Variants in MPHOSPH10 observed in about 807,000 individuals in gnomAD.
The protein encoded by MPHOSPH10 is U3 small nucleolar ribonucleoprotein MPP10.
Under a neutral mutation model 77.3 loss-of-function variants are expected in MPHOSPH10, and 33 were observed. That is an observed-to-expected ratio of 0.43 (90% CI 0.32 to 0.57). MPHOSPH10 has a LOEUF of 0.57. MPHOSPH10 is among the 20% of genes least tolerant of loss of function. The probability of loss-of-function intolerance (pLI) is 0.07; values close to 1 mark genes in which losing one functional copy is unlikely to be tolerated. For synonymous variants in MPHOSPH10, 245 were observed against 268.0 expected, an observed-to-expected ratio of 0.91 and a Z score of 0.84; for missense variants, 708 against 780.1, an observed-to-expected ratio of 0.91 and a Z score of 1.10.
intron 6 of MPHOSPH10, among the ~76,000 whole-genome samples, chr2:71,140,843 C>T (rs887652343): frequency 2.6e-5 from 4 of 151,996 alleles, no homozygotes; most frequent in Non-Finnish European, 4.4e-5. Context: ...TGAAATGAAA[C>T]ATGATAAACT....
intron 7 of MPHOSPH10, 151 bp downstream of exon 7, chr2:71,141,520 G>A (rs192884756): frequency 1.6e-6 from 1 of 619,430 alleles, no homozygotes; most frequent in East Asian, 3.3e-5. Context: ...GGAATAGAAG[G>A]GTTCTAATAT....
chr2:71,147,168 C>T (rs188879544), intron 8 of MPHOSPH10, among the ~76,000 whole-genome samples: 20 of 152,206 alleles, frequency 1.3e-4, no homozygotes, highest in African/African-American at 4.1e-4. Context: ...CTCTTGTTCC[C>T]GTAAGCATCT....
In MPHOSPH10 at chr2:71,148,374, G is replaced by A. The variant is rs1673756990; in HGVS notation, c.1665+268G>A. The A allele has an allele frequency of 9.7e-6, 3 of 307,770 alleles. No homozygotes were observed. The South Asian group carries it at 2.0e-4, about 21-fold the overall frequency. The allele number at this position is 307,770 out of a possible 1,614,324, so 19.1% of individuals were successfully genotyped here. On this transcript the variant is annotated intron_variant, in intron 9 of 10. Coordinates refer to ENST00000244230, the MANE Select transcript of MPHOSPH10 (RefSeq NM_005791.3). ...TCAATATCTTATTATAATCCAATCT[G>A]AATACTAGCAGTGATGTTAAGTTGA... is the stretch of plus-strand genomic sequence containing the variant.
chr2:71,145,730 C>T lies in MPHOSPH10; in HGVS notation c.1557+1192C>T, dbSNP rs559408358. On this transcript the variant is annotated intron_variant, in intron 8 of 10. Transcript: ENST00000244230. ...TCTGGGCCTTACCTGTGTGATCTGG[C>T]TCTTCCCACCCCTTTGGTCTCCCTT... 2.6e-5 allele frequency among the ~76,000 whole-genome samples: 4 copies of T among 152,240 alleles called. No individual in the cohort carries two copies. In the South Asian group the frequency reaches 8.3e-4, roughly 32 times the overall value.
chr2:71,141,046 T>G (rs2103672830), intron 6 of MPHOSPH10, among the ~76,000 whole-genome samples, 186 bp from the exon 7 acceptor site: 1 of 151,130 alleles, frequency 6.6e-6, no homozygotes, highest in Admixed American at 6.6e-5. Flanking sequence ...ATAATTTGCT[T>G]ACTCTGTAAT....
rs764534217 is a variant in MPHOSPH10, at chr2:71,133,349, G to A, written c.541G>A (p.Glu181Lys). The A allele has an allele frequency of 3.1e-6, 5 of 1,613,994 alleles. No homozygotes were observed. Among genetic ancestry groups the A allele is most frequent in the African/African-American group, 2.7e-5 (2 of 74,904 alleles). ...SDLDFDISKL[E>K]QQSKVQNKGQ... ...CCTTGACTTTGATATCAGCAAATTG[G>A]AACAGCAGAGCAAGGTGCAAAACAA... is the stretch of plus-strand genomic sequence containing the variant. The change falls in exon 2 of 11, where the codon GAA becomes AAA. Residue 181 changes from glutamate to lysine, a missense_variant. This residue lies in a region of MPHOSPH10 where 433 missense variants were observed against 432.6 expected (regional missense o/e 1.00). Coordinates refer to ENST00000244230, the MANE Select transcript of MPHOSPH10 (RefSeq NM_005791.3).
chr2:71,138,914 A>C (rs1207625245), intron 5 of MPHOSPH10: 2 of 593,808 alleles, frequency 3.4e-6, no homozygotes, highest in Non-Finnish European at 6.0e-6. Flanking sequence ...AGATTTCAGA[A>C]TCCCATCTAC....
chr2:71,134,056 G>C lies in MPHOSPH10; in HGVS notation c.877G>C (p.Asp293His). The C allele has an allele frequency of 6.2e-7, 1 of 1,610,012 alleles. No homozygotes were observed. Among genetic ancestry groups the C allele is most frequent in the East Asian group, 2.2e-5 (1 of 44,618 alleles). The change falls in exon 3 of 11, where the codon GAT becomes CAT. Residue 293 changes from aspartate to histidine, a missense_variant. Physicochemically the swap from Asp to His is moderately conservative, Grantham distance 81. Around this residue, in one of 3 missense-constraint regions of MPHOSPH10, gnomAD observed 433 missense variants for 432.6 expected, o/e 1.00. Transcript: ENST00000244230. Reference sequence around the variant, plus strand: ...TGATGAGCTGGATTCAAACAAAGAAGATGATGAAATTGCTGAAGAAGAAGC... The same window carrying C: ...TGATGAGCTGGATTCAAACAAAGAACATGATGAAATTGCTGAAGAAGAAGC... ...HDDELDSNKE[D>H]DEIAEEEAEE...
Position 71,133,049 on chromosome 2 carries a change from G to A in MPHOSPH10, c.241G>A (p.Glu81Lys), listed in dbSNP as rs1343046768. The A allele has an allele frequency of 1.2e-6, 2 of 1,614,022 alleles. No individual in the cohort carries two copies. The highest frequency in any genetic ancestry group is 1.3e-5 in the African/African-American group (1 of 74,924). ...TGATGAGCAGATTTGGCAACAACTG[G>A]AATTGCAAAATGAACCAATTTTACA... ...FDDEQIWQQLELQNEPILQYF... is the reference protein window; with the variant it reads ...FDDEQIWQQLKLQNEPILQYF... Residue 81 changes from glutamate (E) to lysine (K), a missense_variant, in exon 2 of 11, where the codon GAA becomes AAA. Glu to Lys is a moderately conservative substitution (Grantham distance 56, BLOSUM62 1). This residue lies in a region of MPHOSPH10 where 433 missense variants were observed against 432.6 expected (regional missense o/e 1.00). Coordinates refer to ENST00000244230, the MANE Select transcript of MPHOSPH10 (RefSeq NM_005791.3).
In MPHOSPH10 at chr2:71,133,009, G is replaced by C. The variant is rs779201568; in HGVS notation, c.201G>C (p.Val67=). 1 of 1,614,114 alleles carries C rather than the reference G, an allele frequency of 6.2e-7. No individual in the cohort carries two copies. Among genetic ancestry groups the C allele is most frequent in the Non-Finnish European group, 8.5e-7 (1 of 1,179,996 alleles). Residue 67 remains valine (V), a synonymous_variant, in exon 2 of 11, where the codon GTG becomes GTC. Transcript: ENST00000244230. ...RIHGSPLQKL[V]IENFDDEQIW... ...ATGGAAGCCCCTTGCAAAAACTTGT[G>C]ATAGAAAATTTTGATGATGAGCAGA... is the stretch of plus-strand genomic sequence containing the variant.
intron 7 of MPHOSPH10, among the ~76,000 whole-genome samples, chr2:71,143,667 T>C (rs538276561): frequency 2.2e-4 from 34 of 152,286 alleles, no homozygotes; most frequent in African/African-American, 7.5e-4. Context: ...ATTCTATCTC[T>C]GTGGATTGGC....
intron 5 of MPHOSPH10, chr2:71,139,315 C>T (rs916910968): frequency 7.0e-5 from 11 of 156,930 alleles, no homozygotes; most frequent in African/African-American, 1.9e-4. Flanking sequence ...TTTAACAATA[C>T]GCTAATGATA....
rs187003608 is a variant in MPHOSPH10, at chr2:71,148,269, T to C, written c.1665+163T>C. The C allele has an allele frequency of 5.9e-4, 348 of 587,420 alleles. 3 individuals are homozygous for C. The highest frequency in any genetic ancestry group is 4.7e-3 in the African/African-American group (253 of 54,128). 36.4% of individuals were successfully genotyped at this position (587,420 alleles called of 1,614,324 possible). A position where few individuals can be genotyped will look rare whatever the true frequency, so the allele number is the denominator to read the frequency against. ...AACTAGTAATGTTATAATATTCAAA[T>C]ACCAGTCTCCTATATTCTGGCTTTA... On this transcript the variant is annotated intron_variant, in intron 9 of 10. Coordinates refer to ENST00000244230, the MANE Select transcript of MPHOSPH10 (RefSeq NM_005791.3).
Position 71,133,168 on chromosome 2 carries a change from A to G in MPHOSPH10, c.360A>G (p.Ser120=), listed in dbSNP as rs1181002780. ...SEEQEREEDG[S]EIEADDKEDL... is the part of the protein sequence containing the mutation. Reference sequence around the variant, plus strand: ...AACAGGAACGTGAAGAGGATGGTTCAGAGATAGAGGCTGATGACAAGGAGG... The same window carrying G: ...AACAGGAACGTGAAGAGGATGGTTCGGAGATAGAGGCTGATGACAAGGAGG... The change falls in exon 2 of 11, where the codon TCA becomes TCG. Residue 120 remains serine, a synonymous_variant. Coordinates refer to ENST00000244230, the MANE Select transcript of MPHOSPH10 (RefSeq NM_005791.3). The G allele has an allele frequency of 3.7e-6, 6 of 1,614,176 alleles. No individual in the cohort carries two copies. The South Asian group carries it at 6.6e-5, about 18-fold the overall frequency.
At chr2:71,141,064 A>G (rs1424148166) in intron 6 of MPHOSPH10, among the ~76,000 whole-genome samples, 168 bp from the exon 7 acceptor site, 1 of 150,476 alleles carries the variant, frequency 6.6e-6, no homozygotes. Flanking sequence ...AATAAGTAAT[A>G]ATAAATATTT....
chr2:71,135,702 C>CTTTTTTTT (rs781167523), intron 4 of MPHOSPH10, among the ~76,000 whole-genome samples: 9 of 130,670 alleles, frequency 6.9e-5, no homozygotes, highest in African/African-American at 2.0e-4. Context: ...TTTTCTTTTT[C>CTTTTTTTT]TTTTTTTTTT....
chr2:71,133,884 A>T (rs530028579), intron 2 of MPHOSPH10, 64 bp from the exon 3 acceptor site: 1 of 1,092,792 alleles, frequency 9.2e-7, no homozygotes, highest in Non-Finnish European at 1.3e-6. Flanking sequence ...ATGCAAATCT[A>T]TATGCATGTG....
chr2:71,141,086 G>C lies in MPHOSPH10; in HGVS notation c.1309-146G>C, dbSNP rs552241898. The C allele has an allele frequency of 8.2e-4, 301 of 367,888 alleles. 2 individuals carry two copies. The highest frequency in any genetic ancestry group is 6.1e-3 in the African/African-American group (274 of 44,640). The allele number at this position is 367,888 out of a possible 1,614,324, so 22.8% of individuals were successfully genotyped here. A position where few individuals can be genotyped will look rare whatever the true frequency, so the allele number is the denominator to read the frequency against. ...AATAATAAATATTTATTATAACAAT[G>C]ATATAATTTACTATTAATATATTAA... On this transcript the variant is annotated intron_variant, in intron 6 of 10. Coordinates refer to ENST00000244230, the MANE Select transcript of MPHOSPH10 (RefSeq NM_005791.3).
intron 6 of MPHOSPH10, 72 bp from the exon 7 acceptor site, chr2:71,141,160 A>T (rs1339391067): frequency 6.5e-6 from 6 of 926,646 alleles, no homozygotes; most frequent in Non-Finnish European, 8.6e-6. Context: ...AATATTCCAG[A>T]GGAAGATTCT....
Sources: allele counts gnomAD v4.1 joint callset (sites outside exome capture counted in the v4.1 genomes callset), GRCh38; gene constraint gnomAD v4.1.1; regional missense constraint gnomAD v4.1.1; transcripts MANE v1.5; gene names NCBI Gene and HGNC (gene_info 2026-07-23, HGNC 2026-07-21).